UMAD1: variants seen among roughly 807,000 people sequenced by gnomAD.
UMAD1 encodes UBAP1-MVB12-associated (UMA)-domain containing protein 1.
Under a neutral mutation model 6.1 loss-of-function variants are expected in UMAD1, and 8 were observed. The ratio of observed to expected loss-of-function variants is 1.30; its 90% CI spans 0.76 to 2.35. The LOEUF (loss-of-function observed/expected upper bound fraction) is 2.35. Ranked by LOEUF, UMAD1 falls within the 30% of genes most tolerant of loss-of-function variation. The pLI, the probability that UMAD1 is intolerant of heterozygous loss-of-function variation, is 0.00. For missense variants in UMAD1, 130 were observed against 78.4 expected (o/e 1.66, Z -2.49); for synonymous variants, 56 against 31.4 (o/e 1.78, Z -2.61).
intron 3 of UMAD1, among the ~76,000 whole-genome samples, chr7:7,827,881 T>C (rs970518871): frequency 6.6e-6 from 1 of 152,212 alleles, no homozygotes; most frequent in Non-Finnish European, 1.5e-5. Context: ...GTTGGAAATA[T>C]ATAAATATGT....
chr7:7,753,782 T>G (rs949360155), intron 2 of UMAD1, among the ~76,000 whole-genome samples: 3 of 152,218 alleles, frequency 2.0e-5, no homozygotes, highest in African/African-American at 7.2e-5. Flanking sequence ...TTCCTTTGGG[T>G]ATATACCCAG....
At chr7:7,788,878 G>A (rs1311146946) in intron 2 of UMAD1, among the ~76,000 whole-genome samples, 2 of 152,168 alleles carry the variant, frequency 1.3e-5, no homozygotes, top group Non-Finnish European at 2.9e-5. Flanking sequence ...TTTTGCTCTA[G>A]ATCATTAAAG....
intron 2 of UMAD1, chr7:7,676,310 T>C (rs1779737685): frequency 2.5e-6 from 1 of 394,434 alleles, no homozygotes; most frequent in Admixed American, 4.4e-5. Context: ...AGTTAATGTG[T>C]GTAAAATGTT....
intron 3 of UMAD1, among the ~76,000 whole-genome samples, chr7:7,804,691 C>G (rs1184912964): frequency 6.6e-6 from 1 of 151,598 alleles, no homozygotes; most frequent in Admixed American, 6.6e-5. Context: ...AAATAAAATA[C>G]AAAAATGAGG....
chr7:7,858,896 A>G (rs1436269720), intron 3 of UMAD1, among the ~76,000 whole-genome samples: 1 of 152,172 alleles, frequency 6.6e-6, no homozygotes. Context: ...TTTTGCCACT[A>G]ATCTCAGGAA....
rs1317804496 is a variant in UMAD1, at chr7:7,862,830, C to T, written c.157-14451C>T. 4.6e-5 allele frequency among the ~76,000 whole-genome samples: 7 copies of T among 151,908 alleles called. No individual in the cohort carries two copies. The South Asian group carries it at 1.2e-3, about 27-fold the overall frequency. The stretch of plus-strand genomic sequence containing the variant: ...TGAGACCTAAAAACAAAACAAAAAA[C>T]AAAAAAACTACAGACAAGTAACCTT... On this transcript the variant is annotated intron_variant, in intron 3 of 3. Coordinates refer to ENST00000682710, the MANE Select transcript of UMAD1 (RefSeq NM_001302348.2).
chr7:7,818,872 C>T (rs534944838), intron 3 of UMAD1, among the ~76,000 whole-genome samples: 9 of 152,182 alleles, frequency 5.9e-5, no homozygotes, highest in East Asian at 1.9e-4. Flanking sequence ...TTTTTTGAGA[C>T]GGAGTCTTGC....
chr7:7,726,705 A>G (rs7798277), intron 2 of UMAD1, among the ~76,000 whole-genome samples: 13,691 of 152,124 alleles, frequency 0.09, 715 homozygotes, highest in African/African-American at 0.14. Flanking sequence ...CCAGATAGAG[A>G]TGTTAGTTCC....
chr7:7,711,067 G>T (rs1445700497), intron 2 of UMAD1, among the ~76,000 whole-genome samples: 2 of 152,144 alleles, frequency 1.3e-5, no homozygotes, highest in Admixed American at 1.3e-4. Flanking sequence ...AGTGTGTGTG[G>T]CTATAGAAGG....
At chr7:7,866,822 A>C (rs1784237363) in intron 3 of UMAD1, among the ~76,000 whole-genome samples, 2 of 152,200 alleles carry the variant, frequency 1.3e-5, no homozygotes, top group African/African-American at 4.8e-5. Flanking sequence ...AATGTGTTTT[A>C]TATGCTACAA....
At chr7:7,802,884 T>A (rs6962527) in intron 3 of UMAD1, among the ~76,000 whole-genome samples, 12 of 152,186 alleles carry the variant, frequency 7.9e-5, no homozygotes, top group Non-Finnish European at 1.6e-4. Context: ...TTATTTTTTA[T>A]ATTTATATTT....
chr7:7,783,059 A>G (rs905734874), intron 2 of UMAD1, among the ~76,000 whole-genome samples: 2 of 152,162 alleles, frequency 1.3e-5, no homozygotes, highest in African/African-American at 2.4e-5. Context: ...ATGTGGACCT[A>G]CATACTCACT....
intron 2 of UMAD1, among the ~76,000 whole-genome samples, chr7:7,713,897 C>T (rs1780827166): frequency 6.6e-6 from 1 of 152,074 alleles, no homozygotes; most frequent in Admixed American, 6.5e-5. Context: ...GTGGTGTGAC[C>T]ACAGACAGCT....
intron 2 of UMAD1, among the ~76,000 whole-genome samples, chr7:7,704,824 A>C (rs2115160627): frequency 6.6e-6 from 1 of 151,326 alleles, no homozygotes; most frequent in South Asian, 2.1e-4. Flanking sequence ...TGCCAGTTTA[A>C]CTTATAGATT....
chr7:7,828,553 A>T (rs1201830006), intron 3 of UMAD1, among the ~76,000 whole-genome samples: 1 of 152,084 alleles, frequency 6.6e-6, no homozygotes, highest in African/African-American at 2.4e-5. Context: ...ACCCATAGGG[A>T]CCCCATCCCT....
intron 2 of UMAD1, among the ~76,000 whole-genome samples, chr7:7,753,503 G>A (rs1352058450): frequency 1.3e-5 from 2 of 151,996 alleles, no homozygotes; most frequent in East Asian, 1.9e-4. Flanking sequence ...GAGATCCCAC[G>A]AATAAGTGAG....
At chr7:7,657,158 G>C (rs1297131581) in intron 1 of UMAD1, among the ~76,000 whole-genome samples, 1 of 151,884 alleles carries the variant, frequency 6.6e-6, no homozygotes, top group African/African-American at 2.4e-5. Flanking sequence ...CTTTTTGATG[G>C]GGTTGTTTTT....
chr7:7,784,824 C>G lies in UMAD1; in HGVS notation c.83-16846C>G, dbSNP rs560263665. 2.2e-3 allele frequency among the ~76,000 whole-genome samples: 291 copies of G among 133,046 alleles called. 1 individual carries two copies. Among genetic ancestry groups the G allele is most frequent in the African/African-American group, 8.2e-3 (269 of 32,798 alleles). 87.3% of individuals were successfully genotyped at this position (133,046 alleles called of 152,430 possible). A position where few individuals can be genotyped will look rare whatever the true frequency, so the allele number is the denominator to read the frequency against. ...TCGCCCAGGCTGGAGTGCAGTGGCG[C>G]GATCTCGGCTCGCTGCAGGCTCCGC... On this transcript the variant is annotated intron_variant, in intron 2 of 3. Coordinates refer to ENST00000682710, the MANE Select transcript of UMAD1 (RefSeq NM_001302348.2).
intron 1 of UMAD1, among the ~76,000 whole-genome samples, chr7:7,660,887 G>A (rs995880842): frequency 6.6e-6 from 1 of 152,236 alleles, no homozygotes; most frequent in African/African-American, 2.4e-5. Flanking sequence ...ATAATATCCT[G>A]AAGAGTGTTT....
Sources: gnomAD v4.1 joint callset for allele counts (sites outside exome capture counted in the v4.1 genomes callset) on GRCh38, gnomAD v4.1.1 for gene constraint, MANE v1.5 for transcripts, NCBI Gene and HGNC (gene_info 2026-07-23, HGNC 2026-07-21) for gene names.